The following PRDM5 variants were observed in gnomAD, a reference collection of about 807,000 sequenced individuals.
The protein encoded by PRDM5 is PR/SET domain 5, also known as PR domain zinc finger protein 5.
Under a neutral mutation model 81.2 loss-of-function variants are expected in PRDM5, and 56 were observed. The ratio of observed to expected loss-of-function variants is 0.69; its 90% CI spans 0.56 to 0.86. The LOEUF is 0.86. Among genes scored for constraint, PRDM5 ranks in the 40% least tolerant of loss-of-function variants. The pLI is 0.00. For missense variants in PRDM5, 697 were observed against 770.1 expected (o/e 0.91, Z 1.12); for synonymous variants, 267 against 256.4 (o/e 1.04, Z -0.39).
rs576366273 is a variant in PRDM5, at chr4:120,769,486, T to C, written c.1537+7702A>G. 1.9e-3 allele frequency among the ~76,000 whole-genome samples: 294 copies of C among 152,226 alleles called. 1 individual carries two copies. The highest frequency in any genetic ancestry group is 6.8e-3 in the African/African-American group (281 of 41,546). On this transcript the variant is annotated intron_variant, in intron 13 of 15. Transcript: ENST00000264808. Reference sequence around the variant, plus strand: ...AGTAAGCAGCCTGGAATGTAAACAGTGAGGGGTCGGTAGTTGATAAGTCTC... The same window carrying C: ...AGTAAGCAGCCTGGAATGTAAACAGCGAGGGGTCGGTAGTTGATAAGTCTC...
intron 1 of PRDM5, among the ~76,000 whole-genome samples, chr4:120,908,518 A>G (rs1431685271): frequency 6.6e-6 from 1 of 152,250 alleles, no homozygotes; most frequent in Non-Finnish European, 1.5e-5. Context: ...TACTTAATGA[A>G]CAACAGAACA....
chr4:120,790,573 T>C (rs545008625), intron 10 of PRDM5, among the ~76,000 whole-genome samples: 1 of 152,266 alleles, frequency 6.6e-6, no homozygotes, highest in South Asian at 2.1e-4. Flanking sequence ...TATACAGAAA[T>C]ACGTAAAGAT....
chr4:120,798,185 T>C, intron 10 of PRDM5, 82 bp downstream of exon 10: 2 of 1,125,182 alleles, frequency 1.8e-6, no homozygotes, highest in Non-Finnish European at 2.5e-6. Flanking sequence ...GCCCCAGATG[T>C]ACAAAAGCTT....
chr4:120,799,587 T>TA (rs1578780404), intron 9 of PRDM5, 74 bp downstream of exon 9: 6 of 1,563,990 alleles, frequency 3.8e-6, no homozygotes, highest in Admixed American at 3.6e-5. Context: ...TTACCACTCT[T>TA]AGAGTTTATA....
chr4:120,845,092 G>C (rs558890974), intron 3 of PRDM5, among the ~76,000 whole-genome samples: 1 of 152,272 alleles, frequency 6.6e-6, no homozygotes, highest in African/African-American at 2.4e-5. Context: ...GATGCTAGCA[G>C]AATTATGAGG....
intron 8 of PRDM5, among the ~76,000 whole-genome samples, chr4:120,801,838 A>G (rs1752155721): frequency 6.6e-6 from 1 of 152,148 alleles, no homozygotes; most frequent in Non-Finnish European, 1.5e-5. Flanking sequence ...ATATAAAGAT[A>G]GTAAGAGCAG....
Position 120,722,596 on chromosome 4 carries a change from T to C in PRDM5, c.1624-12183A>G, listed in dbSNP as rs115123978. On this transcript the variant is annotated intron_variant, in intron 14 of 15. Transcript: ENST00000264808. ...CCTACCCCCAGAGATTGTGATTTCA[T>C]GGTCTGAGGTATGGCCTGGGCTTTG... Among the ~76,000 whole-genome samples the C allele has an allele frequency of 5.3e-3, 812 of 152,290 alleles. 7 individuals are homozygous for C. The highest frequency in any genetic ancestry group is 0.019 in the African/African-American group (780 of 41,564).
intron 14 of PRDM5, among the ~76,000 whole-genome samples, chr4:120,752,483 T>C (rs1323716377): frequency 1.3e-5 from 2 of 152,112 alleles, no homozygotes; most frequent in African/African-American, 4.8e-5. Context: ...TTTGTTTTCT[T>C]TTTGTGCAGT....
intron 2 of PRDM5, among the ~76,000 whole-genome samples, chr4:120,901,063 T>G (rs1284952256): frequency 6.6e-6 from 1 of 152,192 alleles, no homozygotes. Context: ...CAAGCTTCCA[T>G]CCTTTTTTAA....
intron 14 of PRDM5, among the ~76,000 whole-genome samples, chr4:120,741,221 A>G (rs1016632370): frequency 1.3e-5 from 2 of 152,110 alleles, no homozygotes; most frequent in Non-Finnish European, 2.9e-5. Context: ...CATATCCTCT[A>G]TACGATGCTT....
intron 1 of PRDM5, among the ~76,000 whole-genome samples, chr4:120,910,226 G>A (rs1196679241): frequency 1.3e-5 from 2 of 152,176 alleles, no homozygotes; most frequent in African/African-American, 4.8e-5. Context: ...ACCTTACCGG[G>A]TCTGTTACAA....
At chr4:120,918,376 T>A (rs1166590583) in intron 1 of PRDM5, among the ~76,000 whole-genome samples, 2 of 152,142 alleles carry the variant, frequency 1.3e-5, no homozygotes, top group South Asian at 2.1e-4. Context: ...GGCTGGCAGA[T>A]TTTTAGCCCT....
intron 2 of PRDM5, 30 bp from the exon 3 acceptor site, chr4:120,853,570 A>G (rs1356220766): frequency 1.2e-6 from 2 of 1,613,302 alleles, no homozygotes; most frequent in Non-Finnish European, 8.5e-7. Context: ...TGAGTTTACA[A>G]TGGAAGTCAG....
At chr4:120,874,923 G>C in intron 2 of PRDM5, among the ~76,000 whole-genome samples, 1 of 152,204 alleles carries the variant, frequency 6.6e-6, no homozygotes, top group African/African-American at 2.4e-5. Context: ...ACCTTGTAGG[G>C]AAGAGGTGGT....
intron 14 of PRDM5, among the ~76,000 whole-genome samples, chr4:120,747,290 G>C (rs1411148796): frequency 9.0e-6 from 1 of 111,338 alleles, no homozygotes; most frequent in Non-Finnish European, 1.8e-5. Flanking sequence ...GTTGTGGGGT[G>C]GGGGGAGGGG....
At chr4:120,839,328 GA>G in intron 3 of PRDM5, 1 of 702,642 alleles carries the variant, frequency 1.4e-6, no homozygotes, top group Non-Finnish European at 2.6e-6. Flanking sequence ...GCAAGATGAA[GA>G]GGAACTTCAT....
intron 4 of PRDM5, 120 bp downstream of exon 4, chr4:120,821,051 C>G: frequency 1.6e-6 from 2 of 1,227,312 alleles, no homozygotes; most frequent in South Asian, 1.2e-5. Flanking sequence ...ATAATTTTGA[C>G]AAAAACTAAC....
rs200067378 is a variant in PRDM5 at position 120,818,545 on chromosome 4, A to G, written c.476-18T>C. The G allele has an allele frequency of 2.5e-5, 40 of 1,607,112 alleles. No individual in the cohort carries two copies. In the East Asian group the frequency reaches 8.9e-4, roughly 36 times the overall value. On this transcript the variant is annotated intron_variant, in intron 4 of 15. Transcript: ENST00000264808. ...AAGGCGATCTGCACATTCACAAGGA[A>G]ACATATTCATGAGACAAAAATTCAG...
intron 8 of PRDM5, among the ~76,000 whole-genome samples, chr4:120,804,700 A>G (rs1038524821): frequency 1.1e-4 from 16 of 152,356 alleles, no homozygotes; most frequent in African/African-American, 3.6e-4. Flanking sequence ...CATTTAAAGT[A>G]GTGTGTAGAG....
Sources: allele counts gnomAD v4.1 joint callset (sites outside exome capture counted in the v4.1 genomes callset), GRCh38; gene constraint gnomAD v4.1.1; transcripts MANE v1.5; gene names NCBI Gene and HGNC (gene_info 2026-07-23, HGNC 2026-07-21).